HFM1: variants seen among roughly 807,000 people sequenced by gnomAD.
HFM1 encodes the protein helicase for meiosis 1.
Under a neutral mutation model 192.1 loss-of-function variants are expected in HFM1, and 169 were observed. The ratio of observed to expected loss-of-function variants is 0.88; its 90% CI spans 0.78 to 1.00. The LOEUF (loss-of-function observed/expected upper bound fraction) is 1.00, where lower values mean the gene tolerates loss of function less well. HFM1 is among the 50% of genes least tolerant of loss of function. The probability of loss-of-function intolerance (pLI) is 0.00; values close to 1 mark genes in which losing one functional copy is unlikely to be tolerated. For missense variants in HFM1, 1,661 were observed against 1,668.0 expected, an observed-to-expected ratio of 1.00 and a Z score of 0.07; for synonymous variants, 525 against 537.8, an observed-to-expected ratio of 0.98 and a Z score of 0.33.
intron 28 of HFM1, among the ~76,000 whole-genome samples, chr1:91,314,373 T>G (rs1316684173): frequency 1.3e-5 from 2 of 152,146 alleles, no homozygotes; most frequent in Non-Finnish European, 2.9e-5. Flanking sequence ...CCTGCCTCGG[T>G]CTCCCGAGTA....
chr1:91,350,341 T>C (rs1656759881), intron 18 of HFM1, among the ~76,000 whole-genome samples: 1 of 152,176 alleles, frequency 6.6e-6, no homozygotes, highest in Non-Finnish European at 1.5e-5. Flanking sequence ...AGTAGTACTA[T>C]ATACTTTCAT....
At chr1:91,277,604 A>ATAC (rs1344007859) in intron 30 of HFM1, among the ~76,000 whole-genome samples, 3,978 of 30,880 alleles carry the variant, frequency 0.13, 484 homozygotes, top group African/African-American at 0.18. Context: ...TATATACTTT[A>ATAC]TATATATACT....
At chr1:91,381,837 C>T (rs1197814891) in intron 6 of HFM1, among the ~76,000 whole-genome samples, 4 of 152,104 alleles carry the variant, frequency 2.6e-5, no homozygotes, top group Non-Finnish European at 5.9e-5. Flanking sequence ...GTTACTTAAA[C>T]AACTGGATTT....
In HFM1 at chr1:91,380,248, A is replaced by G; in HGVS notation, c.874-12T>C. On this transcript the variant is annotated splice_polypyrimidine_tract_variant and intron_variant, in intron 7 of 38. Transcript: ENST00000370425. ...TCTGTGTAAAGAAGCTAAAAAATAAAAAGTAATCAATCATGTAACATATAG... is the reference window on the plus strand; with the variant it reads ...TCTGTGTAAAGAAGCTAAAAAATAAGAAGTAATCAATCATGTAACATATAG... 6.7e-7 allele frequency: 1 copy of G among 1,485,980 alleles called. No individual in the cohort carries two copies. The highest frequency in any genetic ancestry group is 9.1e-7 in the Non-Finnish European group (1 of 1,104,842). 92.0% of individuals were successfully genotyped at this position (1,485,980 alleles called of 1,614,324 possible).
At chr1:91,370,639 G>T (rs1484627479) in intron 13 of HFM1, among the ~76,000 whole-genome samples, 2 of 152,114 alleles carry the variant, frequency 1.3e-5, no homozygotes, top group African/African-American at 4.8e-5. Flanking sequence ...ATATCATACT[G>T]AATGGGCAAA....
chr1:91,347,526 C>A, intron 18 of HFM1, 50 bp from the exon 19 acceptor site: 1 of 1,206,744 alleles, frequency 8.3e-7, no homozygotes, highest in South Asian at 1.4e-5. Flanking sequence ...TTTACAGGCT[C>A]AGTTTATACC....
At chr1:91,404,587 C>T (rs1028849312) in intron 1 of HFM1, 23 of 262,088 alleles carry the variant, frequency 8.8e-5, no homozygotes, top group Non-Finnish European at 1.4e-4. Flanking sequence ...TCACCGCTTT[C>T]TGACTGGAAA....
At chr1:91,387,325 G>A (rs1662336794) in intron 4 of HFM1, among the ~76,000 whole-genome samples, 2 of 151,962 alleles carry the variant, frequency 1.3e-5, no homozygotes, top group Non-Finnish European at 1.5e-5. Flanking sequence ...AAAAAGCGAC[G>A]TCGCTATGAA....
Position 91,313,427 on chromosome 1 carries a change from T to G in HFM1, c.3313A>C (p.Thr1105Pro), listed in dbSNP as rs201592712. ...LEPKRFGNQI[T>P]MQRKSETQIS... ...TGTGTTTCAGATTTTCTTTGCATAG[T>G]GATTTGATTTCCAAACCTCTTGGGT... The change falls in exon 30 of 39, where the codon ACT (threonine) becomes CCT (proline). Residue 1105 changes from threonine to proline, a missense_variant. By Grantham distance (38) the Thr-to-Pro change is conservative (BLOSUM62 -1). Transcript: ENST00000370425. 1.3e-4 allele frequency: 211 copies of G among 1,598,936 alleles called. 1 individual carries two copies. The highest frequency in any genetic ancestry group is 1.6e-4 in the Non-Finnish European group (184 of 1,169,054).
intron 20 of HFM1, among the ~76,000 whole-genome samples, chr1:91,330,720 A>G (rs909619933): frequency 2.6e-5 from 4 of 152,242 alleles, no homozygotes; most frequent in African/African-American, 7.2e-5. Flanking sequence ...CTACAGGCCA[A>G]TATCTTTGAT....
At chr1:91,299,804 T>C (rs1219180072) in intron 30 of HFM1, among the ~76,000 whole-genome samples, 1 of 152,180 alleles carries the variant, frequency 6.6e-6, no homozygotes, top group Non-Finnish European at 1.5e-5. Context: ...GGGAAATTTA[T>C]AGCACTAAAT....
intron 30 of HFM1, among the ~76,000 whole-genome samples, chr1:91,281,578 T>G (rs1667463856): frequency 6.6e-6 from 1 of 152,216 alleles, no homozygotes; most frequent in African/African-American, 2.4e-5. Flanking sequence ...TGCTCAATTT[T>G]GAGCAACTGC....
At chr1:91,293,174 A>C (rs1451557434) in intron 30 of HFM1, among the ~76,000 whole-genome samples, 1 of 152,208 alleles carries the variant, frequency 6.6e-6, no homozygotes, top group Admixed American at 6.6e-5. Flanking sequence ...CACCAAAAGC[A>C]ATGGCAACAA....
intron 30 of HFM1, among the ~76,000 whole-genome samples, chr1:91,290,591 C>T (rs1344400157): frequency 2.6e-5 from 4 of 152,252 alleles, no homozygotes; most frequent in Non-Finnish European, 4.4e-5. Flanking sequence ...GACTCCCACA[C>T]ATTAATAATA....
intron 4 of HFM1, among the ~76,000 whole-genome samples, chr1:91,393,312 G>A (rs1663237386): frequency 6.6e-6 from 1 of 151,982 alleles, no homozygotes; most frequent in South Asian, 2.1e-4. Context: ...CATCTCCTAT[G>A]TCACAGAAAA....
At chr1:91,364,758 A>G (rs1659052513) in intron 13 of HFM1, among the ~76,000 whole-genome samples, 1 of 149,262 alleles carries the variant, frequency 6.7e-6, no homozygotes, top group African/African-American at 2.5e-5. Flanking sequence ...CTCAGCCTCC[A>G]GGGTAGCTGG....
At chr1:91,372,151 T>G (rs1660300363) in intron 13 of HFM1, among the ~76,000 whole-genome samples, 1 of 152,320 alleles carries the variant, frequency 6.6e-6, no homozygotes, top group South Asian at 2.1e-4. Flanking sequence ...GACTGTAAAC[T>G]AGTTCAACCA....
chr1:91,400,965 A>C (rs747110174), intron 2 of HFM1, 47 bp downstream of exon 2: 3 of 894,986 alleles, frequency 3.4e-6, no homozygotes, highest in Non-Finnish European at 5.1e-6. Context: ...AAATTCAAAA[A>C]ACCCTAAAGT....
chr1:91,325,319 G>T (rs281969), intron 20 of HFM1, among the ~76,000 whole-genome samples: 1 of 152,162 alleles, frequency 6.6e-6, no homozygotes, highest in African/African-American at 2.4e-5. Flanking sequence ...CCCAGGACCT[G>T]GGGGAACTCA....
Sources: allele counts gnomAD v4.1 joint callset (sites outside exome capture counted in the v4.1 genomes callset), GRCh38; gene constraint gnomAD v4.1.1; transcripts MANE v1.5; gene names NCBI Gene and HGNC (gene_info 2026-07-23, HGNC 2026-07-21).